The following RAB3IL1 variants were observed in gnomAD, a reference collection of about 807,000 sequenced individuals.
The protein encoded by RAB3IL1 is guanine nucleotide exchange factor for Rab-3A.
A neutral mutation model predicts 49.2 loss-of-function variants in RAB3IL1; 37 were observed. The observed-to-expected ratio is 0.75, with a 90% CI of 0.58 to 0.99. The LOEUF is 0.99. Ranked by LOEUF, RAB3IL1 falls within the 50% of genes least tolerant of loss-of-function variation. The pLI is 0.00. For synonymous variants in RAB3IL1, 193 were observed against 213.9 expected, an observed-to-expected ratio of 0.90 and a Z score of 0.85; for missense variants, 484 against 513.0, an observed-to-expected ratio of 0.94 and a Z score of 0.55.
intron 1 of RAB3IL1, among the ~76,000 whole-genome samples, chr11:61,915,256 C>G (rs907480016): frequency 5.3e-5 from 8 of 152,126 alleles, no homozygotes; most frequent in African/African-American, 1.9e-4. Context: ...GGGGGTCAGC[C>G]TGGCAGCTGG....
chr11:61,944,266 C>CCTTT, the RAB3IL1 span, among the ~76,000 whole-genome samples: 1 of 76,770 alleles, frequency 1.3e-5, no homozygotes, highest in Non-Finnish European at 3.4e-5. Context: ...TTCCTTCCTT[C>CCTTT]CTTCCCTCCT....
chr11:61,923,316 A>G (rs1939945335), upstream of RAB3IL1, among the ~76,000 whole-genome samples: 1 of 152,226 alleles, frequency 6.6e-6, no homozygotes, highest in African/African-American at 2.4e-5. Flanking sequence ...AGAAGCAGCC[A>G]GGTCTGGGAC....
the RAB3IL1 span, among the ~76,000 whole-genome samples, chr11:61,937,199 T>G: frequency 1.3e-5 from 2 of 152,090 alleles, no homozygotes; most frequent in South Asian, 4.1e-4. Context: ...AATAAAAACA[T>G]GAAAGGTAGG....
chr11:61,932,553 G>A, the RAB3IL1 span, among the ~76,000 whole-genome samples: 1 of 152,114 alleles, frequency 6.6e-6, no homozygotes, highest in African/African-American at 2.4e-5. Context: ...GGCACAGGGT[G>A]TATAGCAATG....
At chr11:61,904,703 C>T (rs754123874) in intron 6 of RAB3IL1, 45 bp from the exon 7 acceptor site, 1 of 1,587,550 alleles carries the variant, frequency 6.3e-7, no homozygotes, top group East Asian at 2.3e-5. Flanking sequence ...GGGGCTGGGC[C>T]CTGGCGGAGG....
chr11:61,920,202 G>A (rs2524290), upstream of RAB3IL1: 387,231 of 1,257,102 alleles, frequency 0.31, 64,444 homozygotes, highest in East Asian at 0.67. Context: ...TGCTTGCAAG[G>A]CCAGACTGAG....
At chr11:61,908,663 A>G (rs1939326931) in intron 1 of RAB3IL1, among the ~76,000 whole-genome samples, 1 of 152,240 alleles carries the variant, frequency 6.6e-6, no homozygotes, top group Non-Finnish European at 1.5e-5. Flanking sequence ...AGTGAAGCCT[A>G]TTCCAATGGC....
At chr11:61,925,067 G>A (rs894513854), upstream of RAB3IL1, among the ~76,000 whole-genome samples, 17 of 152,340 alleles carry the variant, frequency 1.1e-4, no homozygotes, top group African/African-American at 2.9e-4. Flanking sequence ...ATCTTTACGC[G>A]CAATCTCAGA....
At chr11:61,905,368 G>A (rs1349070625) in intron 5 of RAB3IL1, among the ~76,000 whole-genome samples, 2 of 152,158 alleles carry the variant, frequency 1.3e-5, no homozygotes, top group South Asian at 2.1e-4. Flanking sequence ...GGCAAAGTGG[G>A]AGGCCCCTCT....
the RAB3IL1 span, among the ~76,000 whole-genome samples, chr11:61,929,288 T>G: frequency 6.6e-6 from 1 of 152,284 alleles, no homozygotes; most frequent in South Asian, 2.1e-4. Context: ...GTGGATCGCT[T>G]GAGCCCAGGA....
the RAB3IL1 span, chr11:61,945,735 G>A: frequency 4.1e-6 from 4 of 981,976 alleles, no homozygotes; most frequent in South Asian, 1.4e-4. Context: ...CTGGAGGGGT[G>A]GGGGTGGGTG....
chr11:61,928,650 A>G, the RAB3IL1 span, among the ~76,000 whole-genome samples: 4 of 151,684 alleles, frequency 2.6e-5, no homozygotes, highest in Non-Finnish European at 2.9e-5. Context: ...CAACTACATG[A>G]AGTGAGAACC....
chr11:61,899,745 CT>C, intron 8 of RAB3IL1: 1 of 236,430 alleles, frequency 4.2e-6, no homozygotes, highest in Non-Finnish European at 8.6e-6. Flanking sequence ...ACCGGGCAGG[CT>C]GTCCCGGAGT....
Position 61,907,404 on chromosome 11 carries a change from C to A in RAB3IL1, c.427G>T (p.Ala143Ser). Residue 143 changes from alanine to serine, a missense_variant, in exon 4 of 10, where the codon GCT (alanine) becomes TCT (serine). Transcript: ENST00000394836. The part of the protein sequence containing the change: ...QAASEKQLKE[A>S]RGKIDMLQAE... ...GGGATGGGCCTCACCTTGCCCCGAG[C>A]CTCCTTCAGCTGCTTTTCTGATGCC... 1 of 1,613,858 alleles carries A rather than the reference C, an allele frequency of 6.2e-7. No individual in the cohort carries two copies. The highest frequency in any genetic ancestry group is 1.3e-5 in the African/African-American group (1 of 75,050).
intron 4 of RAB3IL1, among the ~76,000 whole-genome samples, chr11:61,907,191 C>A (rs1939233225): frequency 6.6e-6 from 1 of 152,240 alleles, no homozygotes; most frequent in Admixed American, 6.5e-5. Flanking sequence ...GCAGCAGAAT[C>A]ACTGATGGAG....
upstream of RAB3IL1, chr11:61,917,649 C>G (rs1275982395): frequency 1.3e-5 from 11 of 878,308 alleles, no homozygotes; most frequent in Non-Finnish European, 4.1e-6. Flanking sequence ...GCGCGCGCTC[C>G]CAAGGCCTGG....
At chr11:61,933,988 T>C in the RAB3IL1 span, among the ~76,000 whole-genome samples, 2 of 152,024 alleles carry the variant, frequency 1.3e-5, no homozygotes, top group East Asian at 3.9e-4. Context: ...ATTAAGGCTC[T>C]ACCAGTGAGG....
chr11:61,920,500 C>T (rs1939877656), upstream of RAB3IL1, among the ~76,000 whole-genome samples: 1 of 152,212 alleles, frequency 6.6e-6, no homozygotes, highest in East Asian at 1.9e-4. Flanking sequence ...TCCGCTTGTC[C>T]CCTCACCACG....
At chr11:61,924,148 C>T (rs1489136168), upstream of RAB3IL1, among the ~76,000 whole-genome samples, 1 of 152,144 alleles carries the variant, frequency 6.6e-6, no homozygotes, top group Non-Finnish European at 1.5e-5. Context: ...TTAGGGAGGG[C>T]AGTTGGGGTC....
Sources: allele counts gnomAD v4.1 joint callset (sites outside exome capture counted in the v4.1 genomes callset), GRCh38; gene constraint gnomAD v4.1.1; transcripts MANE v1.5; gene names NCBI Gene and HGNC (gene_info 2026-07-23, HGNC 2026-07-21).